GABRA4: variants seen among roughly 807,000 people sequenced by gnomAD.
GABRA4 encodes gamma-aminobutyric acid type A receptor subunit alpha4, also known as gamma-aminobutyric acid receptor subunit alpha-4.
GABRA4 carries 12 observed loss-of-function variants against 49.7 expected under a neutral mutation model. The ratio of observed to expected loss-of-function variants is 0.24; its 90% CI spans 0.15 to 0.39. The LOEUF is 0.39. Ranked by LOEUF, GABRA4 falls within the 10% of genes least tolerant of loss-of-function variation. The pLI, the probability that GABRA4 is intolerant of heterozygous loss-of-function variation, is 1.00. For synonymous variants in GABRA4, 288 were observed against 240.2 expected (o/e 1.20, Z -1.84); for missense variants, 506 against 686.0 (o/e 0.74, Z 2.93).
At chr4:46,944,255 T>A (rs956490848) in intron 8 of GABRA4, among the ~76,000 whole-genome samples, 9 of 152,096 alleles carry the variant, frequency 5.9e-5, no homozygotes, top group African/African-American at 1.9e-4. Flanking sequence ...AATATATACA[T>A]TTTCAATGTA....
At chr4:46,937,197 G>A (rs575677233) in intron 8 of GABRA4, among the ~76,000 whole-genome samples, 5 of 152,224 alleles carry the variant, frequency 3.3e-5, no homozygotes, top group African/African-American at 9.6e-5. Context: ...CATCATGTGC[G>A]GACGCAGTAA....
chr4:46,979,829 T>C (rs1056891138), intron 2 of GABRA4, among the ~76,000 whole-genome samples: 3 of 152,138 alleles, frequency 2.0e-5, no homozygotes, highest in African/African-American at 7.2e-5. Context: ...CCTTTGCTTC[T>C]GACAGTGGCC....
At chr4:46,980,757 C>A in intron 2 of GABRA4, among the ~76,000 whole-genome samples, 1 of 151,990 alleles carries the variant, frequency 6.6e-6, no homozygotes, top group Non-Finnish European at 1.5e-5. Context: ...GCTAGGTAAT[C>A]CAGGAAGCAG....
chr4:46,962,539 A>G (rs2109371772), intron 8 of GABRA4, among the ~76,000 whole-genome samples: 1 of 152,034 alleles, frequency 6.6e-6, no homozygotes, highest in South Asian at 2.1e-4. Flanking sequence ...CACCAAAAGC[A>G]ATCTACAGGT....
At chr4:46,964,636 A>T (rs1409879844) in intron 8 of GABRA4, among the ~76,000 whole-genome samples, 1 of 150,806 alleles carries the variant, frequency 6.6e-6, no homozygotes, top group East Asian at 1.9e-4. Context: ...CTCTATTAAA[A>T]TGTTTTTTCA....
At chr4:46,968,905 A>C (rs1004427536) in intron 7 of GABRA4, among the ~76,000 whole-genome samples, 6 of 151,692 alleles carry the variant, frequency 4.0e-5, no homozygotes, top group African/African-American at 1.5e-4. Flanking sequence ...ACATTAACCT[A>C]TCAAGTAATA....
chr4:46,986,396 A>C (rs764829399), intron 2 of GABRA4, among the ~76,000 whole-genome samples: 39 of 151,982 alleles, frequency 2.6e-4, no homozygotes, highest in Non-Finnish European at 5.2e-4. Flanking sequence ...GCATTTGACT[A>C]AATCAACCCC....
intron 2 of GABRA4, chr4:46,992,547 T>G: frequency 1.8e-5 from 8 of 435,522 alleles, no homozygotes; most frequent in East Asian, 3.9e-5. Flanking sequence ...AGAGTTCCCA[T>G]TTTTGACTCT....
In GABRA4 at chr4:46,965,108, C is replaced by A. The variant is rs1234451662; in HGVS notation, c.996G>T (p.Ser332=). The A allele has an allele frequency of 1.2e-6, 2 of 1,611,856 alleles. No homozygotes were observed. The highest frequency in any genetic ancestry group is 8.5e-7 in the Non-Finnish European group (1 of 1,178,794). ...FIAVCFAFVF[S]ALIEFAAVNY... ...TGACAGCAGCAAACTCGATAAGGGC[C>A]GAAAATACAAAAGCAAAGCAGACAG... The change falls in exon 8 of 9, where the codon TCG becomes TCT. Residue 332 remains serine (S), a synonymous_variant. Transcript: ENST00000264318.
chr4:46,942,416 G>T (rs1577753089), intron 8 of GABRA4, among the ~76,000 whole-genome samples: 1 of 151,796 alleles, frequency 6.6e-6, no homozygotes, highest in East Asian at 1.9e-4. Context: ...AAAAATCTAT[G>T]TCTTACCAGT....
intron 6 of GABRA4, among the ~76,000 whole-genome samples, chr4:46,972,614 T>C (rs1315674472): frequency 1.3e-5 from 2 of 151,576 alleles, no homozygotes; most frequent in African/African-American, 4.8e-5. Context: ...ATAAGAACAT[T>C]TGAGACCTAT....
rs377025849 is a variant in GABRA4, at chr4:46,943,961, A to G, written c.1135-15206T>C. ...CTAATTTCTCAGTAGAATGGTGGAT[A>G]CCAGTGGTGGTGTGGGCCAGGGGGG... is the stretch of plus-strand genomic sequence containing the variant. On this transcript the variant is annotated intron_variant, in intron 8 of 8. Coordinates refer to ENST00000264318, the MANE Select transcript of GABRA4 (RefSeq NM_000809.4). Among the ~76,000 whole-genome samples the G allele has an allele frequency of 4.3e-4, 66 of 152,166 alleles. No individual in the cohort carries two copies. In the South Asian group the frequency reaches 0.013, roughly 29 times the overall value.
rs1491149483 is a variant in GABRA4 at position 46,926,274 on chromosome 4, GCT to G, written c.*1949_*1950del. ...ACATTCATGAAATAATTTATGATAA[GCT>G]TTTTTGTACAAGTACTCTTTATTAA... is the stretch of plus-strand genomic sequence containing the variant. On this transcript the variant is annotated 3_prime_UTR_variant, in exon 9 of 9. Coordinates refer to ENST00000264318, the MANE Select transcript of GABRA4 (RefSeq NM_000809.4). The G allele has an allele frequency of 6.6e-6, 1 of 151,792 alleles. No individual in the cohort carries two copies. 9.4% of individuals were successfully genotyped at this position (151,792 alleles called of 1,614,324 possible).
At chr4:46,992,995 A>C (rs376480938) in intron 1 of GABRA4, 49 bp from the exon 2 acceptor site, 4 of 1,389,586 alleles carry the variant, frequency 2.9e-6, no homozygotes, top group Non-Finnish European at 4.1e-6. Context: ...TATTTTAAGA[A>C]TCCATCAGAG....
rs1235005722 is a variant in GABRA4 at position 46,921,499 on chromosome 4, A to C, written c.*6726T>G. On this transcript the variant is annotated 3_prime_UTR_variant, in exon 9 of 9. Coordinates refer to ENST00000264318, the MANE Select transcript of GABRA4 (RefSeq NM_000809.4). ...TGTAAAAAGAATTTATTTTTTATAC[A>C]GGAGTTCTTTCTATCAGCTTCCTAG... The C allele has an allele frequency of 6.6e-6, 1 of 152,092 alleles. No individual in the cohort carries two copies. The highest frequency in any genetic ancestry group is 1.5e-5 in the Non-Finnish European group (1 of 67,990). The allele number at this position is 152,092 out of a possible 1,614,324, so 9.4% of individuals were successfully genotyped here. A position where few individuals can be genotyped will look rare whatever the true frequency, so the allele number is the denominator to read the frequency against.
intron 8 of GABRA4, among the ~76,000 whole-genome samples, chr4:46,962,312 T>C (rs1223976545): frequency 1.3e-5 from 2 of 151,912 alleles, no homozygotes; most frequent in Non-Finnish European, 2.9e-5. Flanking sequence ...TGTATGTCAA[T>C]AGTTAACAAT....
intron 2 of GABRA4, among the ~76,000 whole-genome samples, chr4:46,982,034 C>G (rs867629631): frequency 6.6e-6 from 1 of 152,088 alleles, no homozygotes; most frequent in African/African-American, 2.4e-5. Flanking sequence ...GAATAAAAAC[C>G]AGAGTACAGT....
intron 8 of GABRA4, among the ~76,000 whole-genome samples, chr4:46,944,557 G>C (rs1721918010): frequency 1.3e-5 from 2 of 152,176 alleles, no homozygotes; most frequent in South Asian, 2.1e-4. Flanking sequence ...TAAAACACCT[G>C]GACTCTAGCC....
At chr4:46,979,405 T>C (rs1475330868) in intron 2 of GABRA4, among the ~76,000 whole-genome samples, 1 of 152,058 alleles carries the variant, frequency 6.6e-6, no homozygotes, top group Non-Finnish European at 1.5e-5. Context: ...GCTTTTAACC[T>C]TTGCGATATT....
Sources: allele counts gnomAD v4.1 joint callset (sites outside exome capture counted in the v4.1 genomes callset), GRCh38; gene constraint gnomAD v4.1.1; transcripts MANE v1.5; gene names NCBI Gene and HGNC (gene_info 2026-07-23, HGNC 2026-07-21).